The following PDE3B variants were observed in gnomAD, a reference collection of about 807,000 sequenced individuals.
PDE3B encodes phosphodiesterase 3B, also known as cGMP-inhibited 3',5'-cyclic phosphodiesterase 3B.
In PDE3B, 66 loss-of-function variants were observed where a neutral mutation model predicts 116.8. The observed-to-expected ratio is 0.56, with a 90% CI of 0.46 to 0.69. The LOEUF (loss-of-function observed/expected upper bound fraction) is 0.69. Ranked by LOEUF, PDE3B falls within the 30% of genes least tolerant of loss-of-function variation. The pLI is 0.00. For synonymous variants in PDE3B, 595 were observed against 533.6 expected (o/e 1.12, Z -1.59); for missense variants, 1,384 against 1,368.1 (o/e 1.01, Z -0.18).
chr11:14,757,461 C>A (rs1466112212), intron 1 of PDE3B, among the ~76,000 whole-genome samples: 3 of 151,608 alleles, frequency 2.0e-5, no homozygotes, highest in Non-Finnish European at 4.4e-5. Flanking sequence ...CTCTCTAGCA[C>A]CTGCTGTTTC....
chr11:14,790,590 C>T (rs570530714), intron 4 of PDE3B, among the ~76,000 whole-genome samples: 1 of 152,030 alleles, frequency 6.6e-6, no homozygotes, highest in East Asian at 1.9e-4. Flanking sequence ...ACAATAGAAA[C>T]ATAGTTCAGA....
intron 2 of PDE3B, among the ~76,000 whole-genome samples, chr11:14,778,186 G>T (rs570895832): frequency 1.3e-5 from 2 of 152,170 alleles, no homozygotes; most frequent in Admixed American, 1.3e-4. Flanking sequence ...AATGGGTGGA[G>T]CCCACCACAG....
intron 1 of PDE3B, among the ~76,000 whole-genome samples, chr11:14,670,848 CATCT>C (rs1854342364): frequency 6.6e-6 from 1 of 151,692 alleles, no homozygotes; most frequent in African/African-American, 2.4e-5. Flanking sequence ...GCTTACATGT[CATCT>C]ATCTTTGTTT....
intron 1 of PDE3B, among the ~76,000 whole-genome samples, chr11:14,702,578 C>A (rs951804420): frequency 2.6e-5 from 4 of 151,894 alleles, no homozygotes; most frequent in East Asian, 1.9e-4. Flanking sequence ...CTGCTGGAGA[C>A]TTTCAGAGAG....
In PDE3B at chr11:14,713,410, A is replaced by T. The variant is rs111814218; in HGVS notation, c.979-58527A>T. 4.5e-3 allele frequency among the ~76,000 whole-genome samples: 685 copies of T among 152,272 alleles called. 3 individuals carry two copies. The highest frequency in any genetic ancestry group is 0.015 in the African/African-American group (611 of 41,552). ...TGGATTATGAGTAGAGCAAAAAGGCAGACTCTCCCACATATAAGAGAGAAT... is the reference window on the plus strand; with the variant it reads ...TGGATTATGAGTAGAGCAAAAAGGCTGACTCTCCCACATATAAGAGAGAAT... On this transcript the variant is annotated intron_variant, in intron 1 of 15. Coordinates refer to ENST00000282096, the MANE Select transcript of PDE3B (RefSeq NM_000922.4).
chr11:14,798,598 C>T (rs959822182), intron 4 of PDE3B, among the ~76,000 whole-genome samples: 3 of 152,172 alleles, frequency 2.0e-5, no homozygotes, highest in Non-Finnish European at 4.4e-5. Context: ...TAATTACTGC[C>T]TCCATTTCAG....
chr11:14,787,336 C>A (rs1858238773), intron 3 of PDE3B, among the ~76,000 whole-genome samples: 1 of 151,770 alleles, frequency 6.6e-6, no homozygotes, highest in Admixed American at 6.6e-5. Context: ...AGTATCTTTG[C>A]CAATAGCTAA....
intron 1 of PDE3B, among the ~76,000 whole-genome samples, chr11:14,741,447 T>C (rs923389088): frequency 3.9e-5 from 6 of 152,112 alleles, no homozygotes; most frequent in African/African-American, 1.5e-4. Flanking sequence ...ATTTGCTTGG[T>C]AAATATTCTG....
chr11:14,823,291 C>A (rs1470193565), intron 7 of PDE3B, among the ~76,000 whole-genome samples: 2 of 152,160 alleles, frequency 1.3e-5, no homozygotes, highest in Non-Finnish European at 2.9e-5. Context: ...GATCTTATTT[C>A]TTTTCACTGG....
chr11:14,744,282 A>G (rs936305148), intron 1 of PDE3B, among the ~76,000 whole-genome samples: 2 of 151,994 alleles, frequency 1.3e-5, no homozygotes, highest in Non-Finnish European at 2.9e-5. Flanking sequence ...ATGTTCTTAA[A>G]ATTCTGTATG....
chr11:14,686,722 A>AT (rs35568417), intron 1 of PDE3B, among the ~76,000 whole-genome samples: 2 of 151,792 alleles, frequency 1.3e-5, no homozygotes, highest in African/African-American at 4.8e-5. Flanking sequence ...TTTTATTTTT[A>AT]TTTTTTTTAA....
intron 5 of PDE3B, among the ~76,000 whole-genome samples, chr11:14,806,051 A>T (rs1858909969): frequency 6.6e-6 from 1 of 152,240 alleles, no homozygotes; most frequent in Admixed American, 6.5e-5. Flanking sequence ...GTGGGACTGT[A>T]AATTAGTTCA....
chr11:14,848,630 C>G (rs1847667968), intron 12 of PDE3B, among the ~76,000 whole-genome samples: 1 of 152,220 alleles, frequency 6.6e-6, no homozygotes, highest in Non-Finnish European at 1.5e-5. Flanking sequence ...TGATAAGCAA[C>G]TTCAGCAAAG....
At chr11:14,814,120 C>CTTA (rs1219870812) in intron 5 of PDE3B, among the ~76,000 whole-genome samples, 1 of 152,040 alleles carries the variant, frequency 6.6e-6, no homozygotes, top group African/African-American at 2.4e-5. Context: ...CATTTTTAAT[C>CTTA]TGATAAAGTA....
intron 4 of PDE3B, among the ~76,000 whole-genome samples, chr11:14,794,313 T>C (rs1274885019): frequency 8.0e-6 from 1 of 125,534 alleles, no homozygotes; most frequent in Admixed American, 9.2e-5. Context: ...TATTTCTTTT[T>C]CTTTTCTTTT....
intron 1 of PDE3B, among the ~76,000 whole-genome samples, chr11:14,678,050 T>C (rs1213075851): frequency 6.6e-6 from 1 of 152,114 alleles, no homozygotes; most frequent in Non-Finnish European, 1.5e-5. Flanking sequence ...TGCCACAGCC[T>C]CCGGAGTAGC....
At chr11:14,767,035 ATCTC>A (rs970238898) in intron 1 of PDE3B, among the ~76,000 whole-genome samples, 2 of 151,488 alleles carry the variant, frequency 1.3e-5, no homozygotes. Flanking sequence ...AGTTTTATAA[ATCTC>A]TCAGCAATAG....
intron 1 of PDE3B, among the ~76,000 whole-genome samples, chr11:14,722,256 C>T (rs556262464): frequency 6.6e-6 from 1 of 151,756 alleles, no homozygotes; most frequent in East Asian, 1.9e-4. Context: ...CACATGTATA[C>T]ATATGTAACA....
chr11:14,819,076 G>A (rs1353219644), intron 6 of PDE3B, 60 bp from the exon 7 acceptor site: 3 of 962,964 alleles, frequency 3.1e-6, no homozygotes, highest in Non-Finnish European at 3.2e-6. Flanking sequence ...TTCTAATTGT[G>A]TTCAGGTAAA....
Sources: gnomAD v4.1 joint callset for allele counts (sites outside exome capture counted in the v4.1 genomes callset) on GRCh38, gnomAD v4.1.1 for gene constraint, MANE v1.5 for transcripts, NCBI Gene and HGNC (gene_info 2026-07-23, HGNC 2026-07-21) for gene names.